Variants in LRP1B observed in about 807,000 individuals in gnomAD.
The protein encoded by LRP1B is low-density lipoprotein receptor-related protein 1B.
Under a neutral mutation model 556.6 loss-of-function variants are expected in LRP1B, and 217 were observed. That is an observed-to-expected ratio of 0.39 (90% confidence interval 0.35 to 0.44). The LOEUF is 0.44. LRP1B is among the 20% of genes least tolerant of loss of function. The pLI, the probability that LRP1B is intolerant of heterozygous loss-of-function variation, is 1.00. For missense variants in LRP1B, 5,053 were observed against 5,620.8 expected (o/e 0.90, Z 3.23); for synonymous variants, 2,047 against 1,865.8 (o/e 1.10, Z -2.50).
intron 3 of LRP1B, among the ~76,000 whole-genome samples, chr2:141,298,282 G>T (rs2105423988): frequency 6.6e-6 from 1 of 152,266 alleles, no homozygotes. Context: ...CATGGCTTTT[G>T]GGAGGTACTA....
At chr2:142,107,975 T>C (rs980091728) in intron 1 of LRP1B, among the ~76,000 whole-genome samples, 1 of 150,060 alleles carries the variant, frequency 6.7e-6, no homozygotes, top group Non-Finnish European at 1.5e-5. Flanking sequence ...ATTTATATTA[T>C]ATAATTTTTC....
chr2:141,150,915 T>TGTGTG (rs1558894876), intron 7 of LRP1B, among the ~76,000 whole-genome samples: 7 of 52,402 alleles, frequency 1.3e-4, no homozygotes, highest in Non-Finnish European at 3.6e-4. Context: ...GTGTGTGTGT[T>TGTGTG]TGCCATGCTA....
chr2:140,992,396 A>G (rs538991305), intron 16 of LRP1B: 21 of 152,208 alleles, frequency 1.4e-4, no homozygotes, highest in Middle Eastern at 3.4e-3. Context: ...TTAATTTGCT[A>G]GAAGATACAA....
At chr2:141,515,300 CAAAAG>C (rs1684272718) in intron 2 of LRP1B, among the ~76,000 whole-genome samples, 2 of 111,764 alleles carry the variant, frequency 1.8e-5, no homozygotes. Flanking sequence ...GGAACTCCGT[CAAAAG>C]AAAAAAAAAA....
chr2:141,173,077 CTT>C (rs1402609984), intron 7 of LRP1B, among the ~76,000 whole-genome samples: 1 of 151,264 alleles, frequency 6.6e-6, no homozygotes, highest in Non-Finnish European at 1.5e-5. Context: ...AACCCACACA[CTT>C]TATATCCATA....
chr2:141,736,583 G>C (rs575922401), intron 2 of LRP1B, among the ~76,000 whole-genome samples: 4 of 152,222 alleles, frequency 2.6e-5, no homozygotes, highest in African/African-American at 9.6e-5. Flanking sequence ...CCAGAACAGT[G>C]AGACAGTACA....
At chr2:140,243,607 T>C (rs1681040330) in intron 87 of LRP1B, among the ~76,000 whole-genome samples, 1 of 151,190 alleles carries the variant, frequency 6.6e-6, no homozygotes. Context: ...TTTTGGTACA[T>C]TGTAATGTTA....
At position 140,394,772 on chromosome 2, in the gene LRP1B, C is replaced by T. The variant is rs562419140; in HGVS notation, c.10415-8763G>A. ...GAAACAGGCAATTAGAAGTTTCTGTCGATAACCTAGGAAGGTCAATGAAAG... is the reference window on the plus strand; with the variant it reads ...GAAACAGGCAATTAGAAGTTTCTGTTGATAACCTAGGAAGGTCAATGAAAG... On this transcript the variant is annotated intron_variant, in intron 66 of 90. Transcript: ENST00000389484. 4.6e-5 allele frequency among the ~76,000 whole-genome samples: 7 copies of T among 152,158 alleles called. No homozygotes were observed. In the South Asian group the frequency reaches 1.5e-3, roughly 32 times the overall value.
intron 1 of LRP1B, among the ~76,000 whole-genome samples, chr2:141,868,782 A>G (rs894108811): frequency 6.6e-6 from 1 of 152,120 alleles, no homozygotes; most frequent in African/African-American, 2.4e-5. Context: ...CCTATAGTAA[A>G]TTGATGAAAA....
chr2:140,677,195 A>T (rs757400602), intron 41 of LRP1B, among the ~76,000 whole-genome samples: 6 of 152,196 alleles, frequency 3.9e-5, no homozygotes, highest in Non-Finnish European at 8.8e-5. Context: ...TTTCAACAGA[A>T]ATGAGTTCAT....
intron 35 of LRP1B, among the ~76,000 whole-genome samples, chr2:140,764,996 A>AT (rs1310209164): frequency 2.6e-5 from 4 of 151,942 alleles, no homozygotes; most frequent in African/African-American, 7.3e-5. Context: ...TTCTGTGTTT[A>AT]TTTTTTTCTT....
chr2:140,698,434 C>A (rs187603213), intron 41 of LRP1B, among the ~76,000 whole-genome samples: 29 of 152,074 alleles, frequency 1.9e-4, no homozygotes, highest in African/African-American at 7.0e-4. Context: ...CTAAATAGCA[C>A]CTTCTAAGAA....
At chr2:140,562,770 A>G (rs1193795553) in intron 43 of LRP1B, among the ~76,000 whole-genome samples, 1 of 151,770 alleles carries the variant, frequency 6.6e-6, no homozygotes, top group Non-Finnish European at 1.5e-5. Context: ...ACAGGCATGC[A>G]CCACCACACC....
intron 17 of LRP1B, among the ~76,000 whole-genome samples, chr2:140,989,127 G>T (rs1295455083): frequency 1.3e-5 from 2 of 151,858 alleles, no homozygotes; most frequent in African/African-American, 4.8e-5. Flanking sequence ...ATTCACAGAG[G>T]TATTCTATAG....
chr2:140,723,886 C>CT (rs1340508654), intron 35 of LRP1B, among the ~76,000 whole-genome samples: 1 of 152,040 alleles, frequency 6.6e-6, no homozygotes, highest in Admixed American at 6.6e-5. Context: ...CTTTTTTTAC[C>CT]TTTAAAAACA....
At position 140,501,848 on chromosome 2, in the gene LRP1B, T is replaced by TA. The variant is rs1689210523; in HGVS notation, c.8688dup (p.Met2897TyrfsTer17). 1 of 1,605,786 alleles carries TA rather than the reference T, an allele frequency of 6.2e-7. No individual in the cohort carries two copies. The highest frequency in any genetic ancestry group is 8.5e-7 in the Non-Finnish European group (1 of 1,175,814). On this transcript the variant is annotated frameshift_variant, in exon 55 of 91. Transcript: ENST00000389484. LOFTEE classifies it high-confidence loss of function. ...GGAATGCACCTGCCATTTTTGCACA[T>TA]AAAAAATGAACTGTTGCATGACTGT...
chr2:142,106,924 C>T (rs1706766296), intron 1 of LRP1B, among the ~76,000 whole-genome samples: 1 of 151,948 alleles, frequency 6.6e-6, no homozygotes. Context: ...GACAAATATA[C>T]ATGAGCATAA....
intron 3 of LRP1B, among the ~76,000 whole-genome samples, chr2:141,474,026 T>C (rs1682595161): frequency 8.1e-6 from 1 of 123,100 alleles, no homozygotes; most frequent in Non-Finnish European, 1.6e-5. Flanking sequence ...CTTCCTTCCT[T>C]CCTTCCTTCC....
At chr2:140,644,864 C>T (rs1490972636) in intron 41 of LRP1B, among the ~76,000 whole-genome samples, 1 of 152,010 alleles carries the variant, frequency 6.6e-6, no homozygotes, top group Non-Finnish European at 1.5e-5. Flanking sequence ...TATTCATTGG[C>T]CTTAGTATTT....
Sources: gnomAD v4.1 joint callset for allele counts (sites outside exome capture counted in the v4.1 genomes callset) on GRCh38, gnomAD v4.1.1 for gene constraint, MANE v1.5 for transcripts, NCBI Gene and HGNC (gene_info 2026-07-23, HGNC 2026-07-21) for gene names.